MDN1: variants seen among roughly 807,000 people sequenced by gnomAD.
MDN1 encodes midasin.
Under a neutral mutation model 669.2 loss-of-function variants are expected in MDN1, and 266 were observed. The ratio of observed to expected loss-of-function variants is 0.40; its 90% CI spans 0.36 to 0.44. The LOEUF is 0.44. MDN1 is among the 20% of genes least tolerant of loss of function. The pLI, the probability that MDN1 is intolerant of heterozygous loss-of-function variation, is 1.00. For synonymous variants in MDN1, 2,385 were observed against 2,457.1 expected, an observed-to-expected ratio of 0.97 and a Z score of 0.87; for missense variants, 5,940 against 6,754.0, an observed-to-expected ratio of 0.88 and a Z score of 4.22.
At chr6:89,676,035 A>G (rs9451261) in intron 77 of MDN1, 67 bp downstream of exon 77, 1,198,412 of 1,420,580 alleles carry the variant, frequency 0.84, 506,964 homozygotes, top group East Asian at 1. Context: ...CTGAGAATAC[A>G]GCCCTGGGAT....
intron 36 of MDN1, among the ~76,000 whole-genome samples, chr6:89,728,600 G>T (rs2128314639): frequency 6.6e-6 from 1 of 152,284 alleles, no homozygotes; most frequent in East Asian, 1.9e-4. Context: ...GGAGGCCAAG[G>T]CAGGTGGATC....
At chr6:89,812,357 G>C (rs534986268) in intron 1 of MDN1, among the ~76,000 whole-genome samples, 1 of 152,054 alleles carries the variant, frequency 6.6e-6, no homozygotes, top group South Asian at 2.1e-4. Flanking sequence ...GGCCGAGGCA[G>C]GTAGATTGTC....
At position 89,673,298 on chromosome 6, in the gene MDN1, C is replaced by T. The variant is rs1191385958; in HGVS notation, c.13412G>A (p.Ser4471Asn). 5.6e-6 allele frequency: 9 copies of T among 1,614,016 alleles called. No homozygotes were observed. The highest frequency in any genetic ancestry group is 7.6e-6 in the Non-Finnish European group (9 of 1,180,038). Residue 4471 changes from serine (S) to asparagine (N), a missense_variant, in exon 80 of 102, where the codon AGT (serine) becomes AAT (asparagine). Transcript: ENST00000369393. ...GGTAGTAAAGTCAGCCATGGCTTTA[C>T]TAATTTCTCCTCTTACATATTCCAG... ...ESLEYVRGEI[S>N]KAMADFTTWK... is the part of the protein sequence containing the mutation.
rs769283720 is a variant in MDN1 at position 89,718,567 on chromosome 6, G to A, written c.6382C>T (p.Leu2128=). ...CTGATAAGGAGGCTATCCCTTAACAGTGCCCTTACAGTTCCCTCCACCTTC... is the reference window on the plus strand; with the variant it reads ...CTGATAAGGAGGCTATCCCTTAACAATGCCCTTACAGTTCCCTCCACCTTC... The part of the protein sequence containing the change: ...LEKVEGTVRA[L]LRDSLLISAD... Residue 2128 remains leucine (L), a synonymous_variant, in exon 43 of 102, where the codon CTG becomes TTG. Coordinates refer to ENST00000369393, the MANE Select transcript of MDN1 (RefSeq NM_014611.3). The A allele has an allele frequency of 6.8e-6, 11 of 1,614,134 alleles. No individual in the cohort carries two copies. The highest frequency in any genetic ancestry group is 9.3e-6 in the Non-Finnish European group (11 of 1,180,020).
chr6:89,754,118 T>G lies in MDN1; in HGVS notation c.2929A>C (p.Asn977His). The G allele has an allele frequency of 1.9e-6, 3 of 1,614,068 alleles. No homozygotes were observed. Among genetic ancestry groups the G allele is most frequent in the Non-Finnish European group, 2.5e-6 (3 of 1,179,980 alleles). Reference protein sequence around the residue: ...LCRALRFAASNPCGNIQRSLY... With the variant: ...LCRALRFAASHPCGNIQRSLY... ...GAGCGCTGAATGTTGCCACATGGATTGGAGGCTGCAAATCGCAGGGCCCGG... is the reference window on the plus strand; with the variant it reads ...GAGCGCTGAATGTTGCCACATGGATGGGAGGCTGCAAATCGCAGGGCCCGG... Residue 977 changes from asparagine (N) to histidine (H), a missense_variant, in exon 21 of 102, where the codon AAT becomes CAT. Asn to His is a moderately conservative substitution (Grantham distance 68). Around this residue, in one of 5 missense-constraint regions of MDN1, gnomAD observed 1,203 missense variants for 1,268.9 expected, o/e 0.95. Transcript: ENST00000369393.
At chr6:89,808,808 T>C (rs768372315) in intron 1 of MDN1, among the ~76,000 whole-genome samples, 1 of 152,222 alleles carries the variant, frequency 6.6e-6, no homozygotes, top group Non-Finnish European at 1.5e-5. Context: ...TCCAATCCTA[T>C]GCTACCTACC....
intron 92 of MDN1, among the ~76,000 whole-genome samples, chr6:89,654,917 A>G (rs952980402): frequency 6.6e-6 from 1 of 152,242 alleles, no homozygotes; most frequent in Admixed American, 6.5e-5. Context: ...AGAAAGACGA[A>G]TAGGAATCCC....
rs552661679 is a variant in MDN1, at chr6:89,702,098, AAAGACTAAAGC to A, written c.8149-48_8149-38del. Reference sequence around the variant, plus strand: ...GTCTCTTAGATAAGATGGCATGAAGAAAGACTAAAGCAAGAAGAAAAATAAAAACAAAGTGA... The same window carrying A: ...GTCTCTTAGATAAGATGGCATGAAGAAAGAAGAAAAATAAAAACAAAGTGA... On this transcript the variant is annotated intron_variant, in intron 53 of 101. Coordinates refer to ENST00000369393, the MANE Select transcript of MDN1 (RefSeq NM_014611.3). 1.5e-4 allele frequency: 237 copies of A among 1,553,358 alleles called. 1 individual carries two copies. In the East Asian group the frequency reaches 5.3e-3, roughly 35 times the overall value.
rs34465205 is a variant in MDN1 at position 89,731,798 on chromosome 6, G to GC, written c.4942+758dup. On this transcript the variant is annotated intron_variant, in intron 34 of 101. Transcript: ENST00000369393. ...CTTTTATTCTTTAATTCATAGTACC[G>GC]CCCCCCCCCCCCACCTTTTCCTTTT... 6.7e-3 allele frequency among the ~76,000 whole-genome samples: 809 copies of GC among 120,698 alleles called. 19 individuals carry two copies. The highest frequency in any genetic ancestry group is 0.021 in the African/African-American group (638 of 30,860). 79.2% of individuals were successfully genotyped at this position (120,698 alleles called of 152,430 possible). A position where few individuals can be genotyped will look rare whatever the true frequency, so the allele number is the denominator to read the frequency against.
At chr6:89,803,731 GC>G (rs1767818255) in intron 1 of MDN1, among the ~76,000 whole-genome samples, 177 bp from the exon 2 acceptor site, 1 of 151,520 alleles carries the variant, frequency 6.6e-6, no homozygotes, top group South Asian at 2.1e-4. Context: ...ACAGGCGCCC[GC>G]CACCATACCC....
At chr6:89,732,870 C>T (rs1004218887) in intron 33 of MDN1, 95 bp from the exon 34 acceptor site, 8 of 1,036,372 alleles carry the variant, frequency 7.7e-6, no homozygotes, top group Non-Finnish European at 1.1e-5. Context: ...TAAAAGGGGT[C>T]TCTGCTCCTT....
intron 80 of MDN1, 75 bp from the exon 81 acceptor site, chr6:89,672,777 C>G (rs774892479): frequency 9.5e-6 from 14 of 1,472,492 alleles, no homozygotes; most frequent in Non-Finnish European, 1.3e-5. Context: ...CTCTGGAAAT[C>G]ATTAAAAATA....
Position 89,803,890 on chromosome 6 carries a change from C to CTTTCTTTTTT in MDN1, c.103-337_103-336insAAAAAAGAAA, listed in dbSNP as rs377468650. Among the ~76,000 whole-genome samples the CTTTCTTTTTT allele has an allele frequency of 3.2e-3, 296 of 93,034 alleles. 1 individual carries two copies. Among genetic ancestry groups the CTTTCTTTTTT allele is most frequent in the Non-Finnish European group, 4.8e-3 (233 of 48,752 alleles). 61.0% of individuals were successfully genotyped at this position (93,034 alleles called of 152,430 possible). A position where few individuals can be genotyped will look rare whatever the true frequency, so the allele number is the denominator to read the frequency against. On this transcript the variant is annotated intron_variant, in intron 1 of 101. Transcript: ENST00000369393. ...GCCACCGCGCCCGGCCTTTTCTTTT[C>CTTTCTTTTTT]TTTTCTTTTTTTTTTTTTTTTTTTT...
At position 89,745,318 on chromosome 6, in the gene MDN1, C is replaced by T. The variant is rs970004569; in HGVS notation, c.4133G>A (p.Arg1378Lys). 7 of 1,613,830 alleles carry T rather than the reference C, an allele frequency of 4.3e-6. No individual in the cohort carries two copies. The highest frequency in any genetic ancestry group is 1.1e-5 in the South Asian group (1 of 91,074). The change falls in exon 29 of 102, where the codon AGG becomes AAG. Residue 1378 changes from arginine to lysine, a missense_variant. Physicochemically the swap from Arg to Lys is conservative, Grantham distance 26 (BLOSUM62 2). This residue lies in a region of MDN1 where 2,292 missense variants were observed against 2,638.3 expected (regional missense o/e 0.87). Transcript: ENST00000369393. ...GMRRLAMLVGRALEFGEPVLL... is the reference protein window; with the variant it reads ...GMRRLAMLVGKALEFGEPVLL... ...CACAGGTTCACCAAATTCCAATGCC[C>T]TTCCCACTAGCATCGCGAGTCTCCG...
intron 90 of MDN1, 58 bp downstream of exon 90, chr6:89,658,151 C>T: frequency 2.5e-6 from 4 of 1,594,208 alleles, no homozygotes; most frequent in Non-Finnish European, 3.4e-6. Flanking sequence ...TGATGTCGGA[C>T]AGGGAGAAGA....
intron 11 of MDN1, among the ~76,000 whole-genome samples, chr6:89,778,264 A>G (rs1818452531): frequency 1.3e-5 from 2 of 151,560 alleles, no homozygotes; most frequent in Non-Finnish European, 2.9e-5. Context: ...TCTCAGTGGT[A>G]GAGTTAGTAG....
rs551520721 is a variant in MDN1, at chr6:89,765,406, G to A, written c.2145-2876C>T. Among the ~76,000 whole-genome samples, 11 of 152,268 alleles carry A rather than the reference G, an allele frequency of 7.2e-5. No individual in the cohort carries two copies. In the East Asian group the frequency reaches 1.5e-3, roughly 21 times the overall value. ...GACTAGACAGTAGATAAACTAGAAC[G>A]ACAACAGTGAAAATGGTGAGAAATT... On this transcript the variant is annotated intron_variant, in intron 15 of 101. Transcript: ENST00000369393.
At chr6:89,719,267 A>G (rs1438390454) in intron 40 of MDN1, 42 bp from the exon 41 acceptor site, 1 of 1,530,054 alleles carries the variant, frequency 6.5e-7, no homozygotes, top group South Asian at 1.1e-5. Flanking sequence ...AAATCACTCC[A>G]CCTAATTCTT....
chr6:89,711,514 A>G lies in MDN1; in HGVS notation c.7651+522T>C, dbSNP rs993693563. On this transcript the variant is annotated intron_variant, in intron 49 of 101. Transcript: ENST00000369393. ...ATATGAAAATACTATCCCATTTTAT[A>G]TAAGGGGCCTTAGCGTCCACGTATG... Among the ~76,000 whole-genome samples, 44 of 152,238 alleles carry G rather than the reference A, an allele frequency of 2.9e-4. 1 individual carries two copies. Among genetic ancestry groups the G allele is most frequent in the African/African-American group, 1.1e-3 (44 of 41,536 alleles).
Sources: gnomAD v4.1 joint callset for allele counts (sites outside exome capture counted in the v4.1 genomes callset) on GRCh38, gnomAD v4.1.1 for gene constraint, gnomAD v4.1.1 regional missense constraint, MANE v1.5 for transcripts, NCBI Gene and HGNC (gene_info 2026-07-23, HGNC 2026-07-21) for gene names.